CHRM3: variants seen among roughly 807,000 people sequenced by gnomAD.
CHRM3 encodes cholinergic receptor muscarinic 3.
A neutral mutation model predicts 41.8 loss-of-function variants in CHRM3; 11 were observed. The observed-to-expected ratio is 0.26, with a 90% CI of 0.17 to 0.44. The LOEUF (loss-of-function observed/expected upper bound fraction) is 0.44, where lower values mean the gene tolerates loss of function less well. Ranked by LOEUF, CHRM3 falls within the 20% of genes least tolerant of loss-of-function variation. CHRM3 has a pLI of 1.00. For missense variants in CHRM3, 571 were observed against 745.4 expected (o/e 0.77, Z 2.72); for synonymous variants, 297 against 301.4 (o/e 0.99, Z 0.15).
At chr1:239,431,163 A>G (rs1271902384) in intron 1 of CHRM3, among the ~76,000 whole-genome samples, 1 of 152,140 alleles carries the variant, frequency 6.6e-6, no homozygotes, top group African/African-American at 2.4e-5. Context: ...ATAGGTACCT[A>G]TTATGCCAGT....
chr1:239,882,490 A>G (rs896437535), intron 6 of CHRM3, among the ~76,000 whole-genome samples: 2 of 152,190 alleles, frequency 1.3e-5, no homozygotes, highest in African/African-American at 4.8e-5. Context: ...TCCCCGCACA[A>G]TCCTATGAGA....
At chr1:239,662,657 G>A (rs1019553068) in intron 4 of CHRM3, among the ~76,000 whole-genome samples, 12 of 152,158 alleles carry the variant, frequency 7.9e-5, no homozygotes, top group African/African-American at 2.7e-4. Flanking sequence ...CAAGTATCTA[G>A]TAACTTGACA....
intron 5 of CHRM3, among the ~76,000 whole-genome samples, chr1:239,777,440 A>G (rs945140499): frequency 6.6e-5 from 10 of 152,240 alleles, no homozygotes; most frequent in Non-Finnish European, 1.3e-4. Flanking sequence ...ACATTATTCT[A>G]TAAAAATTTG....
At chr1:239,566,605 T>G (rs764920554) in intron 3 of CHRM3, among the ~76,000 whole-genome samples, 9 of 152,220 alleles carry the variant, frequency 5.9e-5, no homozygotes, top group Non-Finnish European at 1.2e-4. Flanking sequence ...CCGGGTTAAT[T>G]ATTTAATTTT....
rs530717861 is a variant in CHRM3 at position 239,525,673 on chromosome 1, C to A, written c.-421-19968C>A. Among the ~76,000 whole-genome samples the A allele has an allele frequency of 3.3e-5, 5 of 152,272 alleles. No individual in the cohort carries two copies. In the South Asian group the frequency reaches 6.2e-4, roughly 19 times the overall value. ...CCCACCCACTCACCATTTTATATAA[C>A]AGCTTAATTTTTTTATTTTAATGCT... is the stretch of plus-strand genomic sequence containing the variant. On this transcript the variant is annotated intron_variant, in intron 2 of 6. Transcript: ENST00000676153.
intron 6 of CHRM3, chr1:239,886,445 C>T (rs1349850701): frequency 6.6e-6 from 1 of 152,134 alleles, no homozygotes; most frequent in African/African-American, 2.4e-5. Context: ...TTTCTCAGGG[C>T]CAGCTCTTCT....
chr1:239,729,701 A>T (rs1663780214), intron 5 of CHRM3, among the ~76,000 whole-genome samples: 1 of 151,892 alleles, frequency 6.6e-6, no homozygotes, highest in Non-Finnish European at 1.5e-5. Flanking sequence ...CAAAATTTGG[A>T]TGATCTGTAT....
intron 1 of CHRM3, among the ~76,000 whole-genome samples, chr1:239,443,978 A>G (rs1168026027): frequency 6.6e-6 from 1 of 152,186 alleles, no homozygotes; most frequent in African/African-American, 2.4e-5. Context: ...ATCTATATTT[A>G]TTGTCTTAAT....
intron 5 of CHRM3, among the ~76,000 whole-genome samples, chr1:239,816,853 C>T (rs1047828203): frequency 6.6e-6 from 1 of 151,878 alleles, no homozygotes; most frequent in Non-Finnish European, 1.5e-5. Flanking sequence ...GCCTCAGCCT[C>T]CTGAGTAGCT....
intron 5 of CHRM3, among the ~76,000 whole-genome samples, chr1:239,694,342 A>G (rs1659986447): frequency 6.6e-6 from 1 of 152,160 alleles, no homozygotes; most frequent in African/African-American, 2.4e-5. Flanking sequence ...AAACACAAAT[A>G]ATTTGTCACA....
intron 5 of CHRM3, among the ~76,000 whole-genome samples, chr1:239,774,582 GAC>G (rs1403935335): frequency 2.0e-5 from 3 of 152,148 alleles, no homozygotes; most frequent in African/African-American, 7.2e-5. Flanking sequence ...CATCAACAAT[GAC>G]ACACATTTCA....
chr1:239,500,660 T>A (rs1400784549), intron 2 of CHRM3, among the ~76,000 whole-genome samples: 1 of 142,888 alleles, frequency 7.0e-6, no homozygotes, highest in Non-Finnish European at 1.5e-5. Context: ...AAAGCATAAA[T>A]GACACAGAAC....
At chr1:239,780,325 A>G (rs1198609581) in intron 5 of CHRM3, among the ~76,000 whole-genome samples, 1 of 152,164 alleles carries the variant, frequency 6.6e-6, no homozygotes, top group African/African-American at 2.4e-5. Flanking sequence ...TTGCTATTCT[A>G]ATAGGTGTGT....
intron 1 of CHRM3, among the ~76,000 whole-genome samples, chr1:239,405,627 A>T (rs1049387498): frequency 2.0e-5 from 3 of 152,156 alleles, no homozygotes; most frequent in Admixed American, 2.0e-4. Flanking sequence ...TTGTTCTTTT[A>T]GAAAAATTAA....
At chr1:239,603,534 A>G (rs1665869480) in intron 3 of CHRM3, among the ~76,000 whole-genome samples, 2 of 152,126 alleles carry the variant, frequency 1.3e-5, no homozygotes, top group Admixed American at 1.3e-4. Flanking sequence ...CTCTCAAACT[A>G]AGTAAGAATG....
intron 2 of CHRM3, among the ~76,000 whole-genome samples, chr1:239,526,384 C>T (rs12728618): frequency 0.23 from 35,548 of 152,056 alleles, 4,699 homozygotes; most frequent in Middle Eastern, 0.42. Context: ...CAATGAACAA[C>T]TGATATTTTT....
chr1:239,589,638 C>CTATATATA (rs10592228), intron 3 of CHRM3, among the ~76,000 whole-genome samples: 88 of 124,892 alleles, frequency 7.0e-4, no homozygotes, highest in African/African-American at 2.6e-3. Context: ...ATATAAAAAA[C>CTATATATA]TATATATATA....
At chr1:239,432,350 A>T (rs909265653) in intron 1 of CHRM3, among the ~76,000 whole-genome samples, 1 of 152,204 alleles carries the variant, frequency 6.6e-6, no homozygotes, top group East Asian at 1.9e-4. Context: ...CTGATCTGTC[A>T]TGATAGATTT....
At chr1:239,609,757 A>G (rs1318075777) in intron 3 of CHRM3, among the ~76,000 whole-genome samples, 1 of 152,076 alleles carries the variant, frequency 6.6e-6, no homozygotes, top group Non-Finnish European at 1.5e-5. Flanking sequence ...GCATCTTTTC[A>G]TATACTTAGT....
Sources: allele counts gnomAD v4.1 joint callset (sites outside exome capture counted in the v4.1 genomes callset), GRCh38; gene constraint gnomAD v4.1.1; transcripts MANE v1.5; gene names NCBI Gene and HGNC (gene_info 2026-07-23, HGNC 2026-07-21).